SLC4A2: variants seen among roughly 807,000 people sequenced by gnomAD.
SLC4A2 encodes anion exchange protein 2.
A neutral mutation model predicts 115.0 loss-of-function variants in SLC4A2; 36 were observed. The observed-to-expected ratio is 0.31, with a 90% CI of 0.24 to 0.41. The LOEUF is 0.41. SLC4A2 is among the 10% of genes least tolerant of loss of function. The pLI is 1.00. For missense variants in SLC4A2, 1,252 were observed against 1,705.6 expected, an observed-to-expected ratio of 0.73 and a Z score of 4.68; for synonymous variants, 708 against 708.3, an observed-to-expected ratio of 1.00 and a Z score of 0.01.
intron 7 of SLC4A2, among the ~76,000 whole-genome samples, chr7:151,067,557 C>T (rs2150371248): frequency 6.6e-6 from 1 of 152,362 alleles, no homozygotes; most frequent in South Asian, 2.1e-4. Context: ...AACGCCATTG[C>T]TTTCATATAC....
At position 151,064,975 on chromosome 7, in the gene SLC4A2, A is replaced by C. The variant is rs1169340039; in HGVS notation, c.578+9A>C. On this transcript the variant is annotated intron_variant, in intron 5 of 22. Transcript: ENST00000413384. ...AAAGGGGCCCAGGCTGGGTAAGTAC[A>C]CCCCAATCAACAGTGTCCCCAACAG... The C allele has an allele frequency of 6.5e-7, 1 of 1,546,130 alleles. No homozygotes were observed. The highest frequency in any genetic ancestry group is 8.9e-7 in the Non-Finnish European group (1 of 1,118,622).
At chr7:151,063,733 T>G (rs1180164663) in intron 2 of SLC4A2, among the ~76,000 whole-genome samples, 1 of 151,968 alleles carries the variant, frequency 6.6e-6, no homozygotes, top group Non-Finnish European at 1.5e-5. Flanking sequence ...TTCCTTTTTT[T>G]TTGTTTTTGT....
At chr7:151,075,940 TCC>T in intron 21 of SLC4A2, 71 bp from the exon 22 acceptor site, 1 of 1,500,178 alleles carries the variant, frequency 6.7e-7, no homozygotes, top group African/African-American at 1.4e-5. Flanking sequence ...CATCCCCGCC[TCC>T]GAAGAAGAGA....
At position 151,064,184 on chromosome 7, in the gene SLC4A2, C is replaced by G. The variant is rs1300204979; in HGVS notation, c.52-18C>G. The G allele has an allele frequency of 6.2e-7, 1 of 1,609,288 alleles. No homozygotes were observed. The highest frequency in any genetic ancestry group is 1.3e-5 in the African/African-American group (1 of 74,868). On this transcript the variant is annotated intron_variant, in intron 2 of 22. Coordinates refer to ENST00000413384, the MANE Select transcript of SLC4A2 (RefSeq NM_003040.4). ...CCAGTGAGCCCTGTGTGTTTTCTCT[C>G]TGCCTTCTTCCTCACAGCCAGAGCC...
Position 151,070,594 on chromosome 7 carries a change from A to AG in SLC4A2, c.1564+28dup, listed in dbSNP as rs759872526. ...TGGGTATGTGGGGCAGGTCACATGT[A>AG]GGGGGCTTGGTGGCCAGGCCTTGAG... On this transcript the variant is annotated intron_variant, in intron 11 of 22. Coordinates refer to ENST00000413384, the MANE Select transcript of SLC4A2 (RefSeq NM_003040.4). 6.2e-6 allele frequency: 10 copies of AG among 1,606,728 alleles called. No homozygotes were observed. In the East Asian group the frequency reaches 1.6e-4, roughly 25 times the overall value.
Position 151,071,183 on chromosome 7 carries a change from G to C in SLC4A2, c.1861G>C (p.Glu621Gln). Residue 621 changes from glutamate to glutamine, a missense_variant, in exon 13 of 23, where the codon GAG becomes CAG. Around this residue, in one of 14 missense-constraint regions of SLC4A2, gnomAD observed 87 missense variants for 170.3 expected, o/e 0.51. Transcript: ENST00000413384. The surrounding 1 kb of genome is among the most constrained non-coding windows in gnomAD (Gnocchi z 5.5). ...VLPPSEVQGE[E>Q]LLRSVAHFQR... is the part of the protein sequence containing the mutation. The stretch of plus-strand genomic sequence containing the variant: ...GCCGCCTTCAGAAGTGCAGGGCGAG[G>C]AGCTGCTGCGCTCTGTGGCCCACTT... The C allele has an allele frequency of 6.2e-7, 1 of 1,609,882 alleles. No individual in the cohort carries two copies. The highest frequency in any genetic ancestry group is 8.5e-7 in the Non-Finnish European group (1 of 1,178,592).
Position 151,071,911 on chromosome 7 carries a change from G to C in SLC4A2, c.2341-31G>C, listed in dbSNP as rs1392865462. 1 of 1,609,922 alleles carries C rather than the reference G, an allele frequency of 6.2e-7. No individual in the cohort carries two copies. The highest frequency in any genetic ancestry group is 2.2e-5 in the East Asian group (1 of 44,756). On this transcript the variant is annotated intron_variant, in intron 15 of 22. Transcript: ENST00000413384. This position sits in a 1 kb window ranked among gnomAD's most constrained non-coding sequence, Gnocchi z 5.5. ...CACCTCCCCACAGCATCCCCACCCAGAGCTCAGGACCTGACTGCCCCTCCC... is the reference window on the plus strand; with the variant it reads ...CACCTCCCCACAGCATCCCCACCCACAGCTCAGGACCTGACTGCCCCTCCC...
chr7:151,070,292 C>A lies in SLC4A2; in HGVS notation c.1395C>A (p.Val465=), dbSNP rs778028389. Residue 465 remains valine (V), a synonymous_variant, in exon 10 of 23, where the codon GTC becomes GTA. Coordinates refer to ENST00000413384, the MANE Select transcript of SLC4A2 (RefSeq NM_003040.4). The part of the protein sequence containing the change: ...HGQGAESDPH[V]TEPLMGGVPE... Reference sequence around the variant, plus strand: ...AGGGGGCTGAGAGTGACCCCCACGTCACCGAGCCTCTCATGGGAGGTGTTC... The same window carrying A: ...AGGGGGCTGAGAGTGACCCCCACGTAACCGAGCCTCTCATGGGAGGTGTTC... 6.2e-7 allele frequency: 1 copy of A among 1,613,634 alleles called. No individual in the cohort carries two copies. Among genetic ancestry groups the A allele is most frequent in the South Asian group, 1.1e-5 (1 of 91,008 alleles).
At chr7:151,064,802 A>G (rs1325078346) in intron 4 of SLC4A2, 35 bp downstream of exon 4, 4 of 1,609,050 alleles carry the variant, frequency 2.5e-6, no homozygotes, top group South Asian at 1.1e-5. Flanking sequence ...GCATGTCGGC[A>G]GGGCCCTGGC....
At chr7:151,068,688 T>G (rs577303083) in intron 8 of SLC4A2, among the ~76,000 whole-genome samples, 2 of 152,104 alleles carry the variant, frequency 1.3e-5, no homozygotes, top group Non-Finnish European at 2.9e-5. Flanking sequence ...CCTGCCTAAT[T>G]GTTTTATTTT....
At chr7:151,072,454 G>A (rs954815058) in intron 16 of SLC4A2, among the ~76,000 whole-genome samples, 2 of 151,944 alleles carry the variant, frequency 1.3e-5, no homozygotes, top group African/African-American at 4.8e-5. Flanking sequence ...GCTATACCTG[G>A]CTAATTTTTG....
intron 16 of SLC4A2, among the ~76,000 whole-genome samples, chr7:151,073,478 A>G (rs979800868): frequency 7.9e-5 from 12 of 151,938 alleles, no homozygotes; most frequent in Non-Finnish European, 1.2e-4. Flanking sequence ...GAGACAGGGA[A>G]GGCTGGTTTC....
intron 16 of SLC4A2, among the ~76,000 whole-genome samples, chr7:151,073,575 T>G (rs1297197044): frequency 6.6e-6 from 1 of 152,232 alleles, no homozygotes; most frequent in Non-Finnish European, 1.5e-5. Context: ...GGCCTGTTTT[T>G]TTATTTTTAA....
Position 151,064,279 on chromosome 7 carries a change from C to T in SLC4A2, c.129C>T (p.Gly43=), listed in dbSNP as rs1418904923. ...QEEDELHRTL[G]VERFEEILQE... is the part of the protein sequence containing the mutation. ...AAGACGAACTTCACCGCACCCTGGG[C>T]GTGGAGCGGTTTGAGGAGATCCTAC... is the stretch of plus-strand genomic sequence containing the variant. The change falls in exon 3 of 23, where the codon GGC becomes GGT. Residue 43 remains glycine, a synonymous_variant. Transcript: ENST00000413384. 6.8e-6 allele frequency: 11 copies of T among 1,610,236 alleles called. No homozygotes were observed. The highest frequency in any genetic ancestry group is 8.5e-6 in the Non-Finnish European group (10 of 1,179,394).
At position 151,076,271 on chromosome 7, in the gene SLC4A2, A is replaced by T. The variant is rs1286740143; in HGVS notation, c.3646-16A>T. ...CCCCCCACTTCCCTTCTTGACCGCC[A>T]CCTCCCCACACACAGCTGGATGCTA... On this transcript the variant is annotated splice_polypyrimidine_tract_variant and intron_variant, in intron 22 of 22. Transcript: ENST00000413384. The T allele has an allele frequency of 1.3e-6, 2 of 1,573,268 alleles. No homozygotes were observed. The highest frequency in any genetic ancestry group is 1.7e-5 in the Admixed American group (1 of 57,410).
intron 2 of SLC4A2, chr7:151,062,481 C>T: frequency 7.5e-7 from 1 of 1,333,456 alleles, no homozygotes; most frequent in Non-Finnish European, 9.7e-7. Flanking sequence ...GGCCACCGCT[C>T]CACATGGCCC....
At chr7:151,075,894 G>C in intron 21 of SLC4A2, 119 bp downstream of exon 21, 1 of 1,421,204 alleles carries the variant, frequency 7.0e-7, no homozygotes, top group Non-Finnish European at 9.6e-7. Context: ...CCTCCTCTCT[G>C]TACCAACCCA....
chr7:151,074,239 C>T lies in SLC4A2; in HGVS notation c.2736C>T (p.Phe912=). The T allele has an allele frequency of 1.2e-6, 2 of 1,612,638 alleles. No homozygotes were observed. ...CGCTGGTGCTCATGGCCGGCACCTT[C>T]TTCATCGCCTTCTTCCTGCGCAAAT... ...LLSLVLMAGT[F]FIAFFLRKFK... is the part of the protein sequence containing the mutation. The change falls in exon 17 of 23, where the codon TTC becomes TTT. Residue 912 remains phenylalanine, a synonymous_variant. Coordinates refer to ENST00000413384, the MANE Select transcript of SLC4A2 (RefSeq NM_003040.4).
intron 5 of SLC4A2, among the ~76,000 whole-genome samples, chr7:151,066,158 C>G (rs1315627150): frequency 6.6e-6 from 1 of 152,190 alleles, no homozygotes; most frequent in East Asian, 1.9e-4. Flanking sequence ...GTCCTGAGCT[C>G]CTTTTCTGCA....
Sources: gnomAD v4.1 joint callset for allele counts (sites outside exome capture counted in the v4.1 genomes callset) on GRCh38, gnomAD v4.1.1 for gene constraint, gnomAD v4.1.1 regional missense constraint, Gnocchi (gnomAD v3.1) non-coding constraint, MANE v1.5 for transcripts, NCBI Gene and HGNC (gene_info 2026-07-23, HGNC 2026-07-21) for gene names.